Variants in PDE10A observed in about 807,000 individuals in gnomAD.
PDE10A encodes the protein phosphodiesterase 10A, also known as cAMP and cAMP-inhibited cGMP 3',5'-cyclic phosphodiesterase 10A.
Under a neutral mutation model 97.7 loss-of-function variants are expected in PDE10A, and 39 were observed. That is an observed-to-expected ratio of 0.40 (90% CI 0.31 to 0.52). The LOEUF (loss-of-function observed/expected upper bound fraction) is 0.52. PDE10A is among the 20% of genes least tolerant of loss of function. The pLI is 0.56. For missense variants in PDE10A, 731 were observed against 1,047.8 expected (o/e 0.70, Z 4.17); for synonymous variants, 371 against 376.8 (o/e 0.98, Z 0.18).
intron 5 of PDE10A, among the ~76,000 whole-genome samples, chr6:165,437,889 C>T (rs1790136366): frequency 6.6e-6 from 1 of 152,154 alleles, no homozygotes; most frequent in Non-Finnish European, 1.5e-5. Context: ...TTTTAATATC[C>T]ATTTCTAATT....
exon 1 of PDE10A, chr6:165,987,710 C>G: frequency 2.2e-6 from 1 of 456,782 alleles, no homozygotes; most frequent in South Asian, 1.5e-5. Context: ...TGGCCAAGTT[C>G]GGGACCTGTC....
chr6:165,701,960 T>C (rs1480591860), intron 1 of PDE10A, among the ~76,000 whole-genome samples: 2 of 152,078 alleles, frequency 1.3e-5, no homozygotes. Flanking sequence ...GAGGAGATGA[T>C]GGGTTGAGGA....
rs1037533800 is a variant in PDE10A at position 165,332,163 on chromosome 6, A to G, written c.*862T>C. On this transcript the variant is annotated 3_prime_UTR_variant, in exon 22 of 22. Transcript: ENST00000539869. The stretch of plus-strand genomic sequence containing the variant: ...TATGAAAAATGTACCCTTCGTATCC[A>G]TAAGACTTGTCCATTAAAAAAATTA... The G allele has an allele frequency of 1.3e-5, 2 of 152,262 alleles. No individual in the cohort carries two copies. The highest frequency in any genetic ancestry group is 4.8e-5 in the African/African-American group (2 of 41,464). 9.4% of individuals were successfully genotyped at this position (152,262 alleles called of 1,614,324 possible).
At position 165,862,608 on chromosome 6, in the gene PDE10A, C is replaced by A. The variant is rs1033996445; in HGVS notation, c.-615+124921G>T. 2.6e-5 allele frequency among the ~76,000 whole-genome samples: 4 copies of A among 151,840 alleles called. No homozygotes were observed. In the South Asian group the frequency reaches 8.3e-4, roughly 32 times the overall value. ...GAATCCTGATGAATTCAGGACCACA[C>A]TAACAGGTGCACTAAGAGCAAGTGA... is the stretch of plus-strand genomic sequence containing the variant. On this transcript the variant is annotated intron_variant, in intron 1 of 19. Transcript: ENST00000366882.
chr6:165,610,968 C>T (rs751397969), intron 1 of PDE10A, among the ~76,000 whole-genome samples: 6 of 151,922 alleles, frequency 3.9e-5, no homozygotes, highest in Non-Finnish European at 8.8e-5. Flanking sequence ...CCTTAAAAGC[C>T]TTCCAATCGG....
chr6:165,940,267 G>A (rs1176660716), intron 1 of PDE10A: 1 of 152,254 alleles, frequency 6.6e-6, no homozygotes, highest in East Asian at 1.9e-4. Context: ...TATTAAACTG[G>A]ATCTTTGCAG....
At chr6:165,368,252 TC>T (rs1458477576) in intron 18 of PDE10A, among the ~76,000 whole-genome samples, 1 of 152,226 alleles carries the variant, frequency 6.6e-6, no homozygotes, top group Non-Finnish European at 1.5e-5. Context: ...TGGCTTGGCA[TC>T]CCAAAGTGCT....
In PDE10A at chr6:165,619,406, A is replaced by AGTGCATTG. The variant is rs1562634716; in HGVS notation, c.865+42540_865+42541insCAATGCAC. Among the ~76,000 whole-genome samples, 14 of 139,086 alleles carry AGTGCATTG rather than the reference A, an allele frequency of 1.0e-4. 1 individual carries two copies. Among genetic ancestry groups the AGTGCATTG allele is most frequent in the African/African-American group, 4.1e-4 (14 of 34,556 alleles). The allele number at this position is 139,086 out of a possible 152,430, so 91.2% of individuals were successfully genotyped here. ...AGTCTAGTATAGTGTAGTGTAGTGT[A>AGTGCATTG]GTCTAGTGTAGTGTAGTGTAGTATA... On this transcript the variant is annotated intron_variant, in intron 1 of 21. Coordinates refer to ENST00000539869, the MANE Select transcript of PDE10A (RefSeq NM_001385079.1).
chr6:165,359,753 T>A (rs1469215725), intron 18 of PDE10A, among the ~76,000 whole-genome samples: 1 of 152,036 alleles, frequency 6.6e-6, no homozygotes, highest in Non-Finnish European at 1.5e-5. Context: ...GGCCAGATAG[T>A]AAATACTTCA....
chr6:165,782,971 G>A lies in PDE10A; in HGVS notation c.-615+204558C>T, dbSNP rs28595366. On this transcript the variant is annotated intron_variant, in intron 1 of 19. Coordinates refer to the PDE10A transcript ENST00000366882. The stretch of plus-strand genomic sequence containing the variant: ...TTGTGTGGTGTTTTCACATGACCAT[G>A]GCTTCCTAACACTTGCTTTGTGGTC... 2.3e-3 allele frequency among the ~76,000 whole-genome samples: 355 copies of A among 152,242 alleles called. 1 individual carries two copies. The highest frequency in any genetic ancestry group is 4.2e-3 in the Non-Finnish European group (285 of 68,022).
intron 1 of PDE10A, among the ~76,000 whole-genome samples, chr6:165,603,167 A>G (rs1275144063): frequency 6.6e-6 from 1 of 152,222 alleles, no homozygotes; most frequent in Non-Finnish European, 1.5e-5. Context: ...TATATTGTCC[A>G]AAGACTCTGC....
rs181815027 is a variant in PDE10A at position 165,961,981 on chromosome 6, C to T, written c.-615+25548G>A. On this transcript the variant is annotated intron_variant, in intron 1 of 19. Coordinates refer to the PDE10A transcript ENST00000366882. Reference sequence around the variant, plus strand: ...TGCCAATCCCTACCTAGGCACTTTGCGTGTGTAATTTCAAATCCTTACAGC... The same window carrying T: ...TGCCAATCCCTACCTAGGCACTTTGTGTGTGTAATTTCAAATCCTTACAGC... Among the ~76,000 whole-genome samples, 344 of 152,264 alleles carry T rather than the reference C, an allele frequency of 2.3e-3. 1 individual carries two copies. Among genetic ancestry groups the T allele is most frequent in the Non-Finnish European group, 3.7e-3 (255 of 68,020 alleles).
At chr6:165,943,346 G>GAAAAGAAAGAAA (rs369730730) in intron 1 of PDE10A, among the ~76,000 whole-genome samples, 1 of 79,488 alleles carries the variant, frequency 1.3e-5, no homozygotes, top group African/African-American at 5.5e-5. Flanking sequence ...AGAAAGAAAA[G>GAAAAGAAAGAAA]AGAAAGAAAG....
chr6:165,411,242 G>A (rs1787800991), intron 13 of PDE10A, among the ~76,000 whole-genome samples: 1 of 151,888 alleles, frequency 6.6e-6, no homozygotes, highest in Admixed American at 6.6e-5. Flanking sequence ...CAGTACTTGT[G>A]ATGGGTTAGA....
intron 1 of PDE10A, among the ~76,000 whole-genome samples, chr6:165,621,137 A>T (rs188247386): frequency 1.3e-5 from 2 of 152,236 alleles, no homozygotes; most frequent in Admixed American, 1.3e-4. Flanking sequence ...GAAGAAAAAA[A>T]ATTTAAATGA....
intron 3 of PDE10A, among the ~76,000 whole-genome samples, chr6:165,476,273 T>C (rs1043787055): frequency 1.3e-5 from 2 of 151,836 alleles, no homozygotes; most frequent in South Asian, 2.1e-4. Flanking sequence ...AAAATGAATA[T>C]AAAGAAAGCA....
chr6:165,572,866 C>T (rs1785115291), intron 1 of PDE10A, among the ~76,000 whole-genome samples: 1 of 152,198 alleles, frequency 6.6e-6, no homozygotes, highest in African/African-American at 2.4e-5. Flanking sequence ...CAGTCATCCT[C>T]AGCTTTACTT....
At chr6:165,401,765 C>T (rs1328620371) in intron 13 of PDE10A, among the ~76,000 whole-genome samples, 1 of 152,152 alleles carries the variant, frequency 6.6e-6, no homozygotes, top group Non-Finnish European at 1.5e-5. Flanking sequence ...ACATGACCTT[C>T]TAGTGCATGA....
intron 1 of PDE10A, among the ~76,000 whole-genome samples, chr6:165,758,495 G>T (rs1033856663): frequency 1.0e-4 from 8 of 78,088 alleles, no homozygotes; most frequent in African/African-American, 2.3e-4. Flanking sequence ...GGAGAAAGAA[G>T]AAAGAAGAAA....
Sources: gnomAD v4.1 joint callset for allele counts (sites outside exome capture counted in the v4.1 genomes callset) on GRCh38, gnomAD v4.1.1 for gene constraint, MANE v1.5 for transcripts, NCBI Gene and HGNC (gene_info 2026-07-23, HGNC 2026-07-21) for gene names.